The following ADAMTS19 variants were observed in gnomAD, a reference collection of about 807,000 sequenced individuals.
The protein encoded by ADAMTS19 is A disintegrin and metalloproteinase with thrombospondin motifs 19.
In ADAMTS19, 93 loss-of-function variants were observed where a neutral mutation model predicts 153.3. The observed-to-expected ratio is 0.61, with a 90% CI of 0.51 to 0.72. ADAMTS19 has a LOEUF of 0.72. ADAMTS19 is among the 30% of genes least tolerant of loss of function. The pLI is 0.00. For missense variants in ADAMTS19, 1,482 were observed against 1,552.1 expected (o/e 0.95, Z 0.76); for synonymous variants, 600 against 556.6 (o/e 1.08, Z -1.10).
chr5:129,599,845 T>C (rs1203996898), intron 8 of ADAMTS19, among the ~76,000 whole-genome samples: 1 of 152,160 alleles, frequency 6.6e-6, no homozygotes, highest in African/African-American at 2.4e-5. Flanking sequence ...AAGGTATGTG[T>C]AATACTTGAT....
At chr5:129,502,981 C>G (rs1751151762) in intron 2 of ADAMTS19, among the ~76,000 whole-genome samples, 1 of 152,106 alleles carries the variant, frequency 6.6e-6, no homozygotes, top group African/African-American at 2.4e-5. Context: ...ACAGGGTCTG[C>G]TTGATTTTGA....
rs551834689 is a variant in ADAMTS19 at position 129,573,434 on chromosome 5, C to T, written c.1372+21527C>T. On this transcript the variant is annotated intron_variant, in intron 7 of 22. Transcript: ENST00000274487. Reference sequence around the variant, plus strand: ...ACATTTCAGTATGCCTTTCTTATAACTTGCATTTTATTCATTCTGTCTCCC... The same window carrying T: ...ACATTTCAGTATGCCTTTCTTATAATTTGCATTTTATTCATTCTGTCTCCC... Among the ~76,000 whole-genome samples the T allele has an allele frequency of 1.9e-4, 29 of 152,108 alleles. No homozygotes were observed. In the South Asian group the frequency reaches 6.0e-3, roughly 32 times the overall value.
At chr5:129,622,055 T>C (rs1027700358) in intron 9 of ADAMTS19, 143 bp from the exon 10 acceptor site, 17 of 784,216 alleles carry the variant, frequency 2.2e-5, no homozygotes, top group Admixed American at 6.1e-5. Flanking sequence ...TTTTGACATA[T>C]AGAATAATTT....
intron 6 of ADAMTS19, among the ~76,000 whole-genome samples, chr5:129,536,570 C>A (rs1210186731): frequency 1.3e-5 from 2 of 152,020 alleles, no homozygotes; most frequent in Non-Finnish European, 2.9e-5. Context: ...GGGTATATAC[C>A]CAAAGGACTG....
In ADAMTS19 at chr5:129,587,167, A is replaced by G. The variant is rs1749849537; in HGVS notation, c.1373-9392A>G. 4.6e-5 allele frequency among the ~76,000 whole-genome samples: 7 copies of G among 152,222 alleles called. No homozygotes were observed. The South Asian group carries it at 1.2e-3, about 27-fold the overall frequency. Reference sequence around the variant, plus strand: ...ATTATCAACTACTAATTATATATGTAATTATATAATCTACTGATTATAATC... The same window carrying G: ...ATTATCAACTACTAATTATATATGTGATTATATAATCTACTGATTATAATC... On this transcript the variant is annotated intron_variant, in intron 7 of 22. Transcript: ENST00000274487.
At chr5:129,519,928 C>A (rs1234907189) in intron 3 of ADAMTS19, among the ~76,000 whole-genome samples, 1 of 152,058 alleles carries the variant, frequency 6.6e-6, no homozygotes, top group East Asian at 1.9e-4. Flanking sequence ...GCTAGGCGCA[C>A]AACAACCTGA....
intron 7 of ADAMTS19, among the ~76,000 whole-genome samples, chr5:129,558,039 C>T (rs992809814): frequency 4.7e-5 from 7 of 148,708 alleles, no homozygotes; most frequent in South Asian, 2.2e-4. Flanking sequence ...GCCTTTCATA[C>T]GATTCAAAAC....
intron 11 of ADAMTS19, among the ~76,000 whole-genome samples, chr5:129,642,549 G>A (rs1333058783): frequency 1.1e-4 from 16 of 151,948 alleles, no homozygotes; most frequent in Non-Finnish European, 2.4e-4. Context: ...TGAAGAAGAT[G>A]GATTTCACAT....
At chr5:129,617,117 C>G (rs557796432) in intron 8 of ADAMTS19, among the ~76,000 whole-genome samples, 28 of 152,124 alleles carry the variant, frequency 1.8e-4, no homozygotes, top group African/African-American at 6.0e-4. Flanking sequence ...GATTAAGGAA[C>G]ACAATTAATT....
chr5:129,477,228 G>A (rs1314505296), intron 2 of ADAMTS19, among the ~76,000 whole-genome samples: 1 of 152,128 alleles, frequency 6.6e-6, no homozygotes, highest in African/African-American at 2.4e-5. Context: ...TTTTCGAATG[G>A]TCAGAGGGAA....
At chr5:129,541,907 A>G (rs995230180) in intron 6 of ADAMTS19, among the ~76,000 whole-genome samples, 5 of 152,112 alleles carry the variant, frequency 3.3e-5, no homozygotes, top group African/African-American at 1.2e-4. Context: ...TTTGATTTCT[A>G]TAGTTTCCTA....
chr5:129,514,227 G>A (rs1201970668), intron 3 of ADAMTS19, among the ~76,000 whole-genome samples: 1 of 152,060 alleles, frequency 6.6e-6, no homozygotes, highest in Admixed American at 6.6e-5. Flanking sequence ...CTTAGCTATT[G>A]TAAACGGTGC....
chr5:129,522,352 T>C (rs1415378635), intron 3 of ADAMTS19, among the ~76,000 whole-genome samples: 1 of 126,004 alleles, frequency 7.9e-6, no homozygotes, highest in East Asian at 2.2e-4. Context: ...TATATATATA[T>C]ATATATATAT....
chr5:129,504,449 C>A (rs1028635640), intron 2 of ADAMTS19, among the ~76,000 whole-genome samples: 2 of 152,172 alleles, frequency 1.3e-5, no homozygotes, highest in African/African-American at 4.8e-5. Context: ...TATGTATACA[C>A]TGTGCAAAGA....
intron 16 of ADAMTS19, among the ~76,000 whole-genome samples, chr5:129,666,912 A>G (rs1754078080): frequency 6.6e-6 from 1 of 152,196 alleles, no homozygotes; most frequent in South Asian, 2.1e-4. Context: ...TTTCTCAATT[A>G]TACAAAATTC....
intron 21 of ADAMTS19, among the ~76,000 whole-genome samples, chr5:129,730,918 T>G (rs1320669027): frequency 6.8e-6 from 1 of 146,818 alleles, no homozygotes; most frequent in Non-Finnish European, 1.5e-5. Context: ...TTTGAGATAG[T>G]GTTGTTGTTT....
intron 7 of ADAMTS19, among the ~76,000 whole-genome samples, chr5:129,569,700 TAAC>T (rs1485872114): frequency 6.6e-6 from 1 of 152,014 alleles, no homozygotes; most frequent in Non-Finnish European, 1.5e-5. Flanking sequence ...GTTTGGAAAA[TAAC>T]AAATTCTCAA....
intron 8 of ADAMTS19, among the ~76,000 whole-genome samples, chr5:129,619,530 A>G (rs183560842): frequency 7.2e-5 from 11 of 152,190 alleles, no homozygotes; most frequent in African/African-American, 2.2e-4. Flanking sequence ...TATGAAGGGG[A>G]TATGTATCAT....
intron 21 of ADAMTS19, among the ~76,000 whole-genome samples, chr5:129,718,712 T>C (rs1478560377): frequency 2.0e-5 from 3 of 152,176 alleles, no homozygotes; most frequent in Non-Finnish European, 2.9e-5. Context: ...TTAAACCACT[T>C]TGGAATAATC....
Sources: gnomAD v4.1 joint callset for allele counts (sites outside exome capture counted in the v4.1 genomes callset) on GRCh38, gnomAD v4.1.1 for gene constraint, MANE v1.5 for transcripts, NCBI Gene and HGNC (gene_info 2026-07-23, HGNC 2026-07-21) for gene names.